SRPK2: variants seen among roughly 807,000 people sequenced by gnomAD.
The protein encoded by SRPK2 is SRSF protein kinase 2, also known as SFRS protein kinase 2.
In SRPK2, 21 loss-of-function variants were observed where a neutral mutation model predicts 90.8. That is an observed-to-expected ratio of 0.23 (90% confidence interval 0.16 to 0.33). The LOEUF (loss-of-function observed/expected upper bound fraction) is 0.33. Among genes scored for constraint, SRPK2 ranks in the 10% least tolerant of loss-of-function variants. The pLI is 1.00. For synonymous variants in SRPK2, 288 were observed against 311.1 expected, an observed-to-expected ratio of 0.93 and a Z score of 0.78; for missense variants, 620 against 869.0, an observed-to-expected ratio of 0.71 and a Z score of 3.60.
upstream of SRPK2, among the ~76,000 whole-genome samples, chr7:105,389,841 G>A (rs191202424): frequency 1.2e-4 from 18 of 152,266 alleles, no homozygotes; most frequent in Admixed American, 9.2e-4. Context: ...TGAAAGATAC[G>A]CATTCTGACT....
rs1281942899 is a variant in SRPK2 at position 105,168,098 on chromosome 7, A to C, written c.339-3T>G. The C allele has an allele frequency of 1.2e-6, 2 of 1,605,864 alleles. No homozygotes were observed. Among genetic ancestry groups the C allele is most frequent in the Non-Finnish European group, 1.7e-6 (2 of 1,175,320 alleles). On this transcript the variant is annotated splice_region_variant and splice_polypyrimidine_tract_variant and intron_variant, in intron 4 of 15. Transcript: ENST00000393651. ...TCATTGCAACAAATCTTTTCCCCCT[A>C]AAAGAAAAAACAAAAAAAGAGTCTA...
intron 2 of SRPK2, among the ~76,000 whole-genome samples, chr7:105,283,983 CAGGGACCCTGTCTCAA>C (rs1470987443): frequency 6.6e-6 from 1 of 152,058 alleles, no homozygotes; most frequent in Non-Finnish European, 1.5e-5. Flanking sequence ...GGCTGGGAGA[CAGGGACCCTGTCTCAA>C]AACAAACAAA....
At chr7:105,232,046 G>A (rs1472352051) in intron 2 of SRPK2, among the ~76,000 whole-genome samples, 8 of 152,096 alleles carry the variant, frequency 5.3e-5, no homozygotes, top group Non-Finnish European at 1.0e-4. Flanking sequence ...GTAGAGATGG[G>A]TCTTGCTATG....
At chr7:105,129,354 G>A (rs1801666518) in intron 13 of SRPK2, among the ~76,000 whole-genome samples, 1 of 152,078 alleles carries the variant, frequency 6.6e-6, no homozygotes, top group African/African-American at 2.4e-5. Context: ...CAGGGCAAAT[G>A]CACATTACAA....
chr7:105,278,850 A>C (rs1806881121), intron 2 of SRPK2, among the ~76,000 whole-genome samples: 1 of 144,164 alleles, frequency 6.9e-6, no homozygotes, highest in African/African-American at 2.6e-5. Flanking sequence ...AATGCTCTTC[A>C]TTATGGCTGC....
At chr7:105,260,518 C>G (rs1367930044) in intron 2 of SRPK2, among the ~76,000 whole-genome samples, 1 of 152,194 alleles carries the variant, frequency 6.6e-6, no homozygotes, top group Non-Finnish European at 1.5e-5. Flanking sequence ...TTTGACCCAG[C>G]AATCCCATTA....
chr7:105,207,461 C>T (rs1472530961), intron 2 of SRPK2, among the ~76,000 whole-genome samples: 3 of 152,106 alleles, frequency 2.0e-5, no homozygotes, highest in African/African-American at 7.2e-5. Flanking sequence ...TTCATCAATC[C>T]TAATGAAAGC....
At chr7:105,210,647 G>A (rs1434670949) in intron 2 of SRPK2, among the ~76,000 whole-genome samples, 6 of 152,164 alleles carry the variant, frequency 3.9e-5, no homozygotes, top group Non-Finnish European at 8.8e-5. Flanking sequence ...TTGAGTATGG[G>A]TAGATCTGTG....
chr7:105,241,877 C>A (rs903929812), intron 2 of SRPK2, among the ~76,000 whole-genome samples: 2 of 152,056 alleles, frequency 1.3e-5, no homozygotes, highest in African/African-American at 4.8e-5. Context: ...CCCTACCACA[C>A]CTATAGATGA....
chr7:105,223,417 T>A (rs958520815), intron 2 of SRPK2, among the ~76,000 whole-genome samples: 3 of 152,154 alleles, frequency 2.0e-5, no homozygotes, highest in Admixed American at 1.3e-4. Context: ...CATACATACC[T>A]CCCTGCCCAA....
chr7:105,376,240 G>T (rs912517008), intron 2 of SRPK2, among the ~76,000 whole-genome samples: 3 of 151,408 alleles, frequency 2.0e-5, no homozygotes, highest in Admixed American at 2.0e-4. Flanking sequence ...CTTGTGATCC[G>T]CCCGCCTTGG....
At chr7:105,393,055 G>A (rs137922172), upstream of SRPK2, among the ~76,000 whole-genome samples, 783 of 151,702 alleles carry the variant, frequency 5.2e-3, 2 homozygotes, top group Middle Eastern at 0.01. Flanking sequence ...GTGCAGTGGC[G>A]CGATCTTGGC....
At chr7:105,289,325 AT>A (rs1254845318) in intron 2 of SRPK2, among the ~76,000 whole-genome samples, 1 of 152,098 alleles carries the variant, frequency 6.6e-6, no homozygotes, top group Non-Finnish European at 1.5e-5. Flanking sequence ...CAGTCACATC[AT>A]TATGTAATAA....
chr7:105,244,442 C>T (rs749553057), intron 2 of SRPK2, among the ~76,000 whole-genome samples: 8 of 152,170 alleles, frequency 5.3e-5, no homozygotes, highest in Non-Finnish European at 8.8e-5. Flanking sequence ...TGGTACCAGG[C>T]GCGCGCCTGT....
chr7:105,148,402 G>A (rs1009412308), intron 7 of SRPK2, among the ~76,000 whole-genome samples: 1 of 152,176 alleles, frequency 6.6e-6, no homozygotes, highest in African/African-American at 2.4e-5. Flanking sequence ...AAAACTTACA[G>A]TGTCAGTGAC....
chr7:105,139,660 A>G (rs1393681132), intron 11 of SRPK2, among the ~76,000 whole-genome samples: 3 of 152,238 alleles, frequency 2.0e-5, no homozygotes, highest in African/African-American at 7.2e-5. Context: ...GCTCCTTTAC[A>G]TGGATTGTGA....
At chr7:105,263,322 CAAAAAAA>C (rs879485980) in intron 2 of SRPK2, among the ~76,000 whole-genome samples, 2 of 134,460 alleles carry the variant, frequency 1.5e-5, no homozygotes, top group Admixed American at 7.5e-5. Flanking sequence ...AACTCCATTT[CAAAAAAA>C]AAAAAGAAAA....
At chr7:105,363,788 T>G (rs1451770432) in intron 2 of SRPK2, among the ~76,000 whole-genome samples, 1 of 152,190 alleles carries the variant, frequency 6.6e-6, no homozygotes, top group African/African-American at 2.4e-5. Flanking sequence ...CCAACCCAAA[T>G]GTCCATCAAT....
intron 2 of SRPK2, among the ~76,000 whole-genome samples, chr7:105,330,765 A>G (rs996083271): frequency 1.3e-5 from 2 of 152,172 alleles, no homozygotes; most frequent in Non-Finnish European, 2.9e-5. Context: ...GGACTGCTTG[A>G]GGCCAGAAGT....
Sources: allele counts gnomAD v4.1 joint callset (sites outside exome capture counted in the v4.1 genomes callset), GRCh38; gene constraint gnomAD v4.1.1; transcripts MANE v1.5; gene names NCBI Gene and HGNC (gene_info 2026-07-23, HGNC 2026-07-21).